COX17: variants seen among roughly 807,000 people sequenced by gnomAD.
COX17 encodes the protein cytochrome c oxidase copper chaperone.
Under a neutral mutation model 6.3 loss-of-function variants are expected in COX17, and 1 was observed. That is an observed-to-expected ratio of 0.16 (90% CI 0.06 to 0.75). The LOEUF (loss-of-function observed/expected upper bound fraction) is 0.75. Among genes scored for constraint, COX17 ranks in the 30% least tolerant of loss-of-function variants. COX17 has a pLI of 0.77. For missense variants in COX17, 73 were observed against 81.2 expected (o/e 0.90, Z 0.39); for synonymous variants, 26 against 30.5 (o/e 0.85, Z 0.49).
chr3:119,666,146 C>T (rs575771491), downstream of COX17, among the ~76,000 whole-genome samples: 20 of 152,230 alleles, frequency 1.3e-4, no homozygotes, highest in Admixed American at 5.2e-4. Context: ...ATGAAGGGGG[C>T]GGATCTTGTG....
At chr3:119,668,527 T>C (rs2053013854), downstream of COX17, among the ~76,000 whole-genome samples, 1 of 151,842 alleles carries the variant, frequency 6.6e-6, no homozygotes, top group Non-Finnish European at 1.5e-5. Context: ...TCTCGTAAGT[T>C]AGGTATTACT....
At chr3:119,675,843 CT>C (rs1353358940) in intron 1 of COX17, among the ~76,000 whole-genome samples, 2 of 152,176 alleles carry the variant, frequency 1.3e-5, no homozygotes, top group African/African-American at 2.4e-5. Flanking sequence ...GAAAAACTGA[CT>C]CCTGACTATG....
intron 1 of COX17, among the ~76,000 whole-genome samples, chr3:119,675,993 G>A (rs772721477): frequency 1.3e-5 from 2 of 152,240 alleles, no homozygotes; most frequent in African/African-American, 4.8e-5. Context: ...GATTGCCTGG[G>A]ATAGTGAGAT....
intron 3 of COX17, among the ~76,000 whole-genome samples, chr3:119,664,011 A>G (rs1399309159): frequency 6.6e-6 from 1 of 152,274 alleles, no homozygotes; most frequent in African/African-American, 2.4e-5. Context: ...TTCAATAGGC[A>G]TTTATTCAGG....
At position 119,677,283 on chromosome 3, in the gene COX17, C is replaced by T; in HGVS notation, c.28G>A (p.Ala10Thr). The change falls in exon 1 of 3, where the codon GCC becomes ACC. Residue 10 changes from alanine to threonine, a missense_variant. Coordinates refer to ENST00000261070, the MANE Select transcript of COX17 (RefSeq NM_005694.2). MPGLVDSNP[A>T]PPESQEKKPL... ...TTCTTCTCCTGAGACTCAGGCGGGGCAGGGTTTGAGTCAACCAGACCCGGC... is the reference window on the plus strand; with the variant it reads ...TTCTTCTCCTGAGACTCAGGCGGGGTAGGGTTTGAGTCAACCAGACCCGGC... 1 of 1,611,958 alleles carries T rather than the reference C, an allele frequency of 6.2e-7. No individual in the cohort carries two copies. Among genetic ancestry groups the T allele is most frequent in the Non-Finnish European group, 8.5e-7 (1 of 1,179,950 alleles).
intron 2 of COX17, among the ~76,000 whole-genome samples, chr3:119,673,793 T>G (rs566143078): frequency 6.6e-6 from 1 of 152,368 alleles, no homozygotes; most frequent in Non-Finnish European, 1.5e-5. Flanking sequence ...CACATACCAC[T>G]TAAGGTCCCT....
chr3:119,673,738 G>C (rs1224011883), intron 2 of COX17, among the ~76,000 whole-genome samples: 1 of 152,226 alleles, frequency 6.6e-6, no homozygotes, highest in Non-Finnish European at 1.5e-5. Context: ...ACTGAAGAAA[G>C]AGCTTCCAAA....
chr3:119,677,328 G>A lies in COX17; in HGVS notation c.-18C>T. ...CCCGGCATCTTTCGCGCCAAAAGCAGCTATGAGCGGAGACAGCCAAATCTA... is the reference window on the plus strand; with the variant it reads ...CCCGGCATCTTTCGCGCCAAAAGCAACTATGAGCGGAGACAGCCAAATCTA... On this transcript the variant is annotated 5_prime_UTR_variant, in exon 1 of 3. Transcript: ENST00000261070. The A allele has an allele frequency of 1.2e-6, 2 of 1,602,810 alleles. No homozygotes were observed. Among genetic ancestry groups the A allele is most frequent in the Non-Finnish European group, 1.7e-6 (2 of 1,173,560 alleles).
chr3:119,676,244 C>T (rs1167288020), intron 1 of COX17, among the ~76,000 whole-genome samples: 3 of 152,240 alleles, frequency 2.0e-5, no homozygotes, highest in African/African-American at 7.2e-5. Flanking sequence ...TTCAACAGCA[C>T]TTACTGTTAC....
chr3:119,675,103 A>G, intron 2 of COX17, 42 bp downstream of exon 2: 1 of 1,358,754 alleles, frequency 7.4e-7, no homozygotes, highest in Non-Finnish European at 1.1e-6. Flanking sequence ...AATTGTTGCT[A>G]AATCTGTAAA....
chr3:119,665,998 G>C (rs1407511234), downstream of COX17, among the ~76,000 whole-genome samples: 1 of 152,204 alleles, frequency 6.6e-6, no homozygotes, highest in Admixed American at 6.5e-5. Flanking sequence ...TGACTGTTCA[G>C]GGTGACCTGT....
At chr3:119,673,968 C>T (rs926911015) in intron 2 of COX17, among the ~76,000 whole-genome samples, 12 of 151,150 alleles carry the variant, frequency 7.9e-5, no homozygotes, top group East Asian at 3.9e-4. Context: ...GGTGCCTCTC[C>T]GCCTGGCCAC....
At chr3:119,664,447 G>A (rs1348337367) in intron 3 of COX17, among the ~76,000 whole-genome samples, 1 of 139,702 alleles carries the variant, frequency 7.2e-6, no homozygotes, top group African/African-American at 2.4e-5. Flanking sequence ...CCAGCTAGAG[G>A]AGGGCATTCC....
At chr3:119,670,883 C>G in intron 2 of COX17, among the ~76,000 whole-genome samples, 1 of 151,976 alleles carries the variant, frequency 6.6e-6, no homozygotes, top group East Asian at 1.9e-4. Flanking sequence ...TTTCTTTCAA[C>G]GACTTTAGTC....
intron 2 of COX17, 103 bp downstream of exon 2, chr3:119,675,042 T>G: frequency 1.3e-6 from 1 of 787,134 alleles, no homozygotes; most frequent in Non-Finnish European, 2.1e-6. Context: ...AATTGATACT[T>G]AAGCATTTTA....
chr3:119,675,922 T>C lies in COX17; in HGVS notation c.108-689A>G, dbSNP rs768943006. Among the ~76,000 whole-genome samples, 19 of 152,220 alleles carry C rather than the reference T, an allele frequency of 1.2e-4. 1 individual carries two copies. Among genetic ancestry groups the C allele is most frequent in the South Asian group, 1.0e-3 (5 of 4,834 alleles). ...AAGGGAATTTAACAAAGGGAATAGG[T>C]TCTCCTTCCATGGAAACTCTACCCA... On this transcript the variant is annotated intron_variant, in intron 1 of 2. Coordinates refer to ENST00000261070, the MANE Select transcript of COX17 (RefSeq NM_005694.2).
Position 119,675,306 on chromosome 3 carries a change from G to C in COX17, c.108-73C>G, listed in dbSNP as rs560680593. On this transcript the variant is annotated intron_variant, in intron 1 of 2. Coordinates refer to ENST00000261070, the MANE Select transcript of COX17 (RefSeq NM_005694.2). ...ATTAAGTATGCATGATAGTGATGGG[G>C]AGTGAGACAAAACACGGGTATAATG... The C allele has an allele frequency of 8.4e-6, 9 of 1,067,254 alleles. No individual in the cohort carries two copies. The South Asian group carries it at 8.9e-5, about 11-fold the overall frequency. The allele number at this position is 1,067,254 out of a possible 1,614,324, so 66.1% of individuals were successfully genotyped here.
chr3:119,676,170 G>C (rs1028087758), intron 1 of COX17, among the ~76,000 whole-genome samples: 2 of 152,164 alleles, frequency 1.3e-5, no homozygotes, highest in Non-Finnish European at 2.9e-5. Flanking sequence ...CAAGTTAGTG[G>C]ATTAAGATTC....
intron 2 of COX17, among the ~76,000 whole-genome samples, chr3:119,670,914 C>A (rs1307855009): frequency 6.6e-6 from 1 of 152,084 alleles, no homozygotes; most frequent in Non-Finnish European, 1.5e-5. Flanking sequence ...GTTCTTTAGG[C>A]TTCTTCTGTC....
Sources: gnomAD v4.1 joint callset for allele counts (sites outside exome capture counted in the v4.1 genomes callset) on GRCh38, gnomAD v4.1.1 for gene constraint, MANE v1.5 for transcripts, NCBI Gene and HGNC (gene_info 2026-07-23, HGNC 2026-07-21) for gene names.